The following HMGN5 variants were observed in gnomAD, a reference collection of about 807,000 sequenced individuals.
The protein encoded by HMGN5 is high mobility group nucleosome binding domain 5.
Under a neutral mutation model 9.5 loss-of-function variants are expected in HMGN5, and 4 were observed. The ratio of observed to expected loss-of-function variants is 0.42; its 90% CI spans 0.21 to 0.96. The LOEUF is 0.96. Among genes scored for constraint, HMGN5 ranks in the 40% least tolerant of loss-of-function variants. The probability of loss-of-function intolerance (pLI) is 0.30; values close to 1 mark genes in which losing one functional copy is unlikely to be tolerated. For missense variants in HMGN5, 192 were observed against 187.5 expected (o/e 1.02, Z -0.14); for synonymous variants, 55 against 57.1 (o/e 0.96, Z 0.16).
chrX:81,153,979 A>G (rs1353468924), intron 1 of HMGN5, among the ~76,000 whole-genome samples: 1 of 108,899 alleles, frequency 9.2e-6, no homozygotes, highest in African/African-American at 3.4e-5. Flanking sequence ...ACCCCTATCA[A>G]AATACCAATG....
At chrX:81,153,501 C>T (rs1255338934) in intron 1 of HMGN5, among the ~76,000 whole-genome samples, 2 of 90,956 alleles carry the variant, frequency 2.2e-5, no homozygotes, top group Admixed American at 1.3e-4. Context: ...TTGCAGTGAG[C>T]CAAGATCAAG....
At chrX:81,178,203 A>C (rs749896200) in intron 1 of HMGN5, among the ~76,000 whole-genome samples, 3 of 111,773 alleles carry the variant, frequency 2.7e-5, no homozygotes, top group South Asian at 3.8e-4. Flanking sequence ...AAGGCAAGAA[A>C]TAACTAAGAT....
At chrX:81,177,335 G>T (rs192518323) in intron 1 of HMGN5, among the ~76,000 whole-genome samples, 2 of 78,875 alleles carry the variant, frequency 2.5e-5, no homozygotes, top group African/African-American at 1.1e-4. Context: ...AAAATAAAGG[G>T]ATGGAGGAAG....
chrX:81,192,607 T>C (rs1191338874), intron 1 of HMGN5, among the ~76,000 whole-genome samples: 1 of 112,216 alleles, frequency 8.9e-6, no homozygotes, highest in African/African-American at 3.2e-5. Context: ...TTAGCTATAA[T>C]CTTTTTTATT....
Position 81,118,750 on chromosome X carries a change from T to C in HMGN5, c.55A>G (p.Arg19Gly). 1 of 1,191,065 alleles carries C rather than the reference T, an allele frequency of 8.4e-7. No individual in the cohort carries two copies. Among genetic ancestry groups the C allele is most frequent in the Non-Finnish European group, 1.1e-6 (1 of 880,850 alleles). ...QGDMRQEPKR[R>G]SARLSAMLVP... ...CTTACAGCAGACAACCTGGCAGATC[T>C]TCTCTTTGGCTATAAGTTAAAAACA... Residue 19 changes from arginine (R) to glycine (G), a missense_variant, in exon 4 of 7, where the codon AGA (arginine) becomes GGA (glycine). Transcript: ENST00000358130.
intron 1 of HMGN5, among the ~76,000 whole-genome samples, chrX:81,175,249 T>C (rs1333750933): frequency 9.0e-6 from 1 of 111,585 alleles, no homozygotes; most frequent in African/African-American, 3.3e-5. Context: ...TAAATGTTAA[T>C]AGAATGGTGC....
At chrX:81,116,159 T>A (rs113583771) in intron 6 of HMGN5, 45 bp downstream of exon 6, 4 of 1,008,392 alleles carry the variant, frequency 4.0e-6, no homozygotes, top group Non-Finnish European at 5.5e-6. Context: ...GTTGTACCCA[T>A]TGTTAAACTT....
At position 81,151,985 on chromosome X, in the gene HMGN5, A is replaced by C. The variant is rs1389345210; in HGVS notation, c.-123-30313T>G. 6.3e-5 allele frequency among the ~76,000 whole-genome samples: 7 copies of C among 111,874 alleles called. No individual in the cohort carries two copies. In the East Asian group the frequency reaches 2.0e-3, roughly 31 times the overall value. On this transcript the variant is annotated intron_variant, in intron 1 of 6. Transcript: ENST00000358130. The stretch of plus-strand genomic sequence containing the variant: ...GATCCCTTCCTTACACCTTATACAA[A>C]AATCAATTCAAGATGGATTAAAGAC...
At chrX:81,128,642 C>T (rs908560226) in intron 1 of HMGN5, among the ~76,000 whole-genome samples, 1 of 110,929 alleles carries the variant, frequency 9.0e-6, no homozygotes, top group African/African-American at 3.3e-5. Flanking sequence ...GAATAAGGCC[C>T]ACACTGGAGA....
intron 1 of HMGN5, among the ~76,000 whole-genome samples, chrX:81,144,015 A>G (rs1001713097): frequency 9.0e-6 from 1 of 111,700 alleles, no homozygotes; most frequent in African/African-American, 3.3e-5. Context: ...ACATATAGAT[A>G]AAACCCCCTT....
At chrX:81,159,046 T>G (rs2075391678) in intron 1 of HMGN5, among the ~76,000 whole-genome samples, 1 of 111,799 alleles carries the variant, frequency 8.9e-6, no homozygotes, top group Non-Finnish European at 1.9e-5. Flanking sequence ...TGGAGTACTA[T>G]GCAGCTATAA....
intron 1 of HMGN5, among the ~76,000 whole-genome samples, chrX:81,144,930 C>A (rs950800872): frequency 9.0e-6 from 1 of 110,914 alleles, no homozygotes; most frequent in Non-Finnish European, 1.9e-5. Context: ...TGAAATAAAG[C>A]AAAAAGACAA....
chrX:81,196,818 G>T (rs1001659601), intron 1 of HMGN5, among the ~76,000 whole-genome samples: 1 of 111,008 alleles, frequency 9.0e-6, no homozygotes, highest in Non-Finnish European at 1.9e-5. Context: ...GGGATTACAG[G>T]CGTGAGCCAC....
chrX:81,197,748 T>C, intron 1 of HMGN5: 1 of 109,517 alleles, frequency 9.1e-6, no homozygotes, highest in Middle Eastern at 4.7e-3. Context: ...AGCATAGCAG[T>C]GTCCACTTGA....
At chrX:81,175,599 A>T (rs1043862839) in intron 1 of HMGN5, among the ~76,000 whole-genome samples, 3 of 111,232 alleles carry the variant, frequency 2.7e-5, no homozygotes, top group African/African-American at 9.8e-5. Context: ...ACCCTTAAAT[A>T]AATTTTGAAA....
At chrX:81,200,665 C>A in intron 1 of HMGN5, among the ~76,000 whole-genome samples, 1 of 111,336 alleles carries the variant, frequency 9.0e-6, no homozygotes, top group Non-Finnish European at 1.9e-5. Flanking sequence ...AATGAGAACA[C>A]ATGGACACAG....
chrX:81,175,642 G>A (rs772548776), intron 1 of HMGN5, among the ~76,000 whole-genome samples: 2 of 110,808 alleles, frequency 1.8e-5, no homozygotes, highest in Non-Finnish European at 3.8e-5. Context: ...TCAGCCGCAT[G>A]CCAAGCAGTC....
chrX:81,173,626 C>T (rs953247222), intron 1 of HMGN5, among the ~76,000 whole-genome samples: 25 of 111,970 alleles, frequency 2.2e-4, no homozygotes, highest in African/African-American at 6.5e-4. Flanking sequence ...TGCTTCCACG[C>T]TATTTTGTGT....
At chrX:81,140,497 T>C (rs887206632) in intron 1 of HMGN5, among the ~76,000 whole-genome samples, 1 of 102,842 alleles carries the variant, frequency 9.7e-6, no homozygotes, top group South Asian at 4.5e-4. Context: ...AAGGGGGAGC[T>C]TGCAGTGAGG....
Sources: gnomAD v4.1 joint callset for allele counts (sites outside exome capture counted in the v4.1 genomes callset) on GRCh38, gnomAD v4.1.1 for gene constraint, MANE v1.5 for transcripts, NCBI Gene and HGNC (gene_info 2026-07-23, HGNC 2026-07-21) for gene names.